OLFML2A: variants seen among roughly 807,000 people sequenced by gnomAD.
The protein encoded by OLFML2A is olfactomedin like 2A, also known as olfactomedin-like protein 2A.
In OLFML2A, 47 loss-of-function variants were observed where a neutral mutation model predicts 60.9. The observed-to-expected ratio is 0.77, with a 90% CI of 0.61 to 0.98. The LOEUF (loss-of-function observed/expected upper bound fraction) is 0.98, where lower values mean the gene tolerates loss of function less well. Among genes scored for constraint, OLFML2A ranks in the 50% least tolerant of loss-of-function variants. The pLI, the probability that OLFML2A is intolerant of heterozygous loss-of-function variation, is 0.00. For synonymous variants in OLFML2A, 372 were observed against 375.0 expected (o/e 0.99, Z 0.09); for missense variants, 922 against 879.8 (o/e 1.05, Z -0.61).
At chr9:124,783,138 C>G (rs1841392942) in intron 1 of OLFML2A, among the ~76,000 whole-genome samples, 1 of 151,904 alleles carries the variant, frequency 6.6e-6, no homozygotes, top group East Asian at 1.9e-4. Context: ...TCCCCACGCT[C>G]CCTGCCTCTT....
chr9:124,799,390 G>T lies in OLFML2A; in HGVS notation c.568G>T (p.Gly190Cys). 1 of 1,613,908 alleles carries T rather than the reference G, an allele frequency of 6.2e-7. No homozygotes were observed. ...HYENHSAIML[G>C]IKKELSRLGL... ...TGAGAATCACTCTGCCATCATGCTG[G>T]GCATCAAGAAGGAGCTGTCCCGCCT... The change falls in exon 4 of 8, where the codon GGC (glycine) becomes TGC (cysteine). Residue 190 changes from glycine (G) to cysteine (C), a missense_variant. Coordinates refer to ENST00000373580, the MANE Select transcript of OLFML2A (RefSeq NM_182487.4).
Position 124,779,477 on chromosome 9 carries a change from CAAAG to C in OLFML2A, c.90+2121_90+2124del, listed in dbSNP as rs1218984270. Among the ~76,000 whole-genome samples the C allele has an allele frequency of 1.3e-5, 2 of 150,602 alleles. No homozygotes were observed. The highest frequency in any genetic ancestry group is 2.9e-5 in the Non-Finnish European group (2 of 67,804). On this transcript the variant is annotated intron_variant, in intron 1 of 7. Transcript: ENST00000373580. The surrounding 1 kb of genome is among the most constrained non-coding windows in gnomAD (Gnocchi z 4.1). ...GCTCACATTCTAAACAAAGCAGAGA[CAAAG>C]AAAACCCAACACCCTGTTTGTGTAG... is the stretch of plus-strand genomic sequence containing the variant.
rs1026227799 is a variant in OLFML2A at position 124,778,268 on chromosome 9, G to C, written c.90+908G>C. Among the ~76,000 whole-genome samples the C allele has an allele frequency of 2.0e-5, 3 of 152,036 alleles. No individual in the cohort carries two copies. The South Asian group carries it at 6.2e-4, about 31-fold the overall frequency. Reference sequence around the variant, plus strand: ...CCCAGCTACTCCGGAAGCTGAGGTAGGAGAATGGCGTGAACCCGGGAGGCG... The same window carrying C: ...CCCAGCTACTCCGGAAGCTGAGGTACGAGAATGGCGTGAACCCGGGAGGCG... On this transcript the variant is annotated intron_variant, in intron 1 of 7. Transcript: ENST00000373580.
rs1588875036 is a variant in OLFML2A at position 124,777,466 on chromosome 9, G to C, written c.90+106G>C. 2 of 1,132,698 alleles carry C rather than the reference G, an allele frequency of 1.8e-6. No individual in the cohort carries two copies. Among genetic ancestry groups the C allele is most frequent in the Non-Finnish European group, 2.2e-6 (2 of 904,922 alleles). 70.2% of individuals were successfully genotyped at this position (1,132,698 alleles called of 1,614,324 possible). On this transcript the variant is annotated intron_variant, in intron 1 of 7. Transcript: ENST00000373580. This position sits in a 1 kb window ranked among gnomAD's most constrained non-coding sequence, Gnocchi z 6.2. ...GGGAGCCCGGGGCCAGGGCGGAGGAGCCGGGAGCTGAGAGACCGAACCTGG... is the reference window on the plus strand; with the variant it reads ...GGGAGCCCGGGGCCAGGGCGGAGGACCCGGGAGCTGAGAGACCGAACCTGG...
At chr9:124,794,574 C>T (rs546265381) in intron 2 of OLFML2A, among the ~76,000 whole-genome samples, 112 of 152,264 alleles carry the variant, frequency 7.4e-4, no homozygotes, top group African/African-American at 2.7e-3. Context: ...CCCATGCCAG[C>T]CACTCTGAGG....
intron 6 of OLFML2A, among the ~76,000 whole-genome samples, chr9:124,804,557 C>G (rs1397684614): frequency 6.6e-6 from 1 of 152,018 alleles, no homozygotes; most frequent in African/African-American, 2.4e-5. Flanking sequence ...AACCCCCTCT[C>G]TACTAAAAAT....
intron 3 of OLFML2A, among the ~76,000 whole-genome samples, chr9:124,795,585 C>T (rs924433240): frequency 1.3e-5 from 2 of 152,180 alleles, no homozygotes; most frequent in Non-Finnish European, 1.5e-5. Flanking sequence ...TTGAGACCAG[C>T]TTGGCCAATA....
intron 3 of OLFML2A, among the ~76,000 whole-genome samples, chr9:124,795,458 C>T (rs1035577185): frequency 4.6e-5 from 7 of 152,218 alleles, no homozygotes; most frequent in Non-Finnish European, 7.3e-5. Flanking sequence ...GGGTACCATT[C>T]GCACAAGATT....
At chr9:124,797,441 AG>A (rs1345471586) in intron 3 of OLFML2A, among the ~76,000 whole-genome samples, 5 of 152,202 alleles carry the variant, frequency 3.3e-5, no homozygotes, top group Non-Finnish European at 5.9e-5. Flanking sequence ...TTACCCAGCC[AG>A]GAAGTAGAGA....
At chr9:124,783,920 G>A (rs1430973049) in intron 1 of OLFML2A, among the ~76,000 whole-genome samples, 1 of 152,236 alleles carries the variant, frequency 6.6e-6, no homozygotes, top group Non-Finnish European at 1.5e-5. Flanking sequence ...AACAGGAGGT[G>A]AGCAGTCAGG....
chr9:124,787,114 T>C lies in OLFML2A; in HGVS notation c.230T>C (p.Val77Ala), dbSNP rs1841489644. 6.2e-7 allele frequency: 1 copy of C among 1,614,154 alleles called. No individual in the cohort carries two copies. ...GRARVEDFYT[V>A]ETVSSGTDCR... ...GCACGCGTGGAGGACTTCTACACGG[T>C]GGAGACTGTGAGCTCGGGCACTGAC... The change falls in exon 2 of 8, where the codon GTG becomes GCG. Residue 77 changes from valine (V) to alanine (A), a missense_variant. By Grantham distance (64) the Val-to-Ala change is moderately conservative. Transcript: ENST00000373580.
At chr9:124,804,422 A>G in intron 6 of OLFML2A, 80 bp downstream of exon 6, 2 of 1,375,276 alleles carry the variant, frequency 1.5e-6, no homozygotes, top group Non-Finnish European at 2.0e-6. Context: ...GAAGCCCTCA[A>G]GTTAAGAAAT....
At chr9:124,803,121 C>G (rs1186540397) in intron 5 of OLFML2A, among the ~76,000 whole-genome samples, 1 of 152,090 alleles carries the variant, frequency 6.6e-6, no homozygotes, top group Admixed American at 6.5e-5. Flanking sequence ...GTTGGCCAAG[C>G]TGGTCTCGAA....
At position 124,804,100 on chromosome 9, in the gene OLFML2A, C is replaced by T; in HGVS notation, c.926C>T (p.Thr309Ile). Reference sequence around the variant, plus strand: ...AGGGGTCTTCTCTCTGCAGACAACACCCTCCAGGGCACTTCCTGGCTGGAG... The same window carrying T: ...AGGGGTCTTCTCTCTGCAGACAACATCCTCCAGGGCACTTCCTGGCTGGAG... ...QEVTEAVADNTLQGTSWLEQL... is the reference protein window; with the variant it reads ...QEVTEAVADNILQGTSWLEQL... The change falls in exon 6 of 8, where the codon ACC becomes ATC. Residue 309 changes from threonine to isoleucine, a missense_variant. By Grantham distance (89) the Thr-to-Ile change is moderately conservative (BLOSUM62 -1). Coordinates refer to ENST00000373580, the MANE Select transcript of OLFML2A (RefSeq NM_182487.4). 6.2e-7 allele frequency: 1 copy of T among 1,614,024 alleles called. No individual in the cohort carries two copies. Among genetic ancestry groups the T allele is most frequent in the Non-Finnish European group, 8.5e-7 (1 of 1,179,924 alleles).
intron 2 of OLFML2A, among the ~76,000 whole-genome samples, chr9:124,791,010 G>A (rs1310587588): frequency 6.6e-6 from 1 of 152,182 alleles, no homozygotes; most frequent in Non-Finnish European, 1.5e-5. Flanking sequence ...GGGGGTTGGA[G>A]GGTGCCTTTT....
chr9:124,801,560 C>T lies in OLFML2A; in HGVS notation c.816C>T (p.Leu272=), dbSNP rs371251524. ...AGGAGAGCGGCAAGGGCAGTTTCCT[C>T]CAGCCCACAGCCAAGCCCCGCGCCC... ...LRKESGKGSF[L]QPTAKPRALA... The change falls in exon 5 of 8, where the codon CTC becomes CTT. Residue 272 remains leucine (L), a synonymous_variant. Transcript: ENST00000373580. The T allele has an allele frequency of 3.7e-6, 6 of 1,614,100 alleles. No homozygotes were observed. Among genetic ancestry groups the T allele is most frequent in the South Asian group, 1.1e-5 (1 of 91,084 alleles).
In OLFML2A at chr9:124,779,699, A is replaced by G. The variant is rs1841325890; in HGVS notation, c.90+2339A>G. 6.6e-6 allele frequency among the ~76,000 whole-genome samples: 1 copy of G among 152,094 alleles called. No homozygotes were observed. The highest frequency in any genetic ancestry group is 1.5e-5 in the Non-Finnish European group (1 of 67,994). ...CAAACCACTTCAGCCAGCTGGGAAAAATAAAAATCAAGTGATGGGTGAATT... is the reference window on the plus strand; with the variant it reads ...CAAACCACTTCAGCCAGCTGGGAAAGATAAAAATCAAGTGATGGGTGAATT... On this transcript the variant is annotated intron_variant, in intron 1 of 7. Coordinates refer to ENST00000373580, the MANE Select transcript of OLFML2A (RefSeq NM_182487.4). The surrounding 1 kb of genome is among the most constrained non-coding windows in gnomAD (Gnocchi z 4.1).
At chr9:124,785,670 G>T (rs1018057460) in intron 1 of OLFML2A, among the ~76,000 whole-genome samples, 2 of 152,148 alleles carry the variant, frequency 1.3e-5, no homozygotes, top group Non-Finnish European at 2.9e-5. Flanking sequence ...AAAGTGCTGG[G>T]ATTACAGGCA....
chr9:124,805,808 G>GTTTTTTTTTTTTTTTTTTTTTTTTTT (rs59555267), intron 6 of OLFML2A, among the ~76,000 whole-genome samples: 1 of 71,266 alleles, frequency 1.4e-5, no homozygotes, highest in Non-Finnish European at 2.5e-5. Context: ...GGTTTTTTTG[G>GTTTTTTTTTTTTTTTTTTTTTTTTTT]TTTTTTTTTT....
Sources: allele counts gnomAD v4.1 joint callset (sites outside exome capture counted in the v4.1 genomes callset), GRCh38; gene constraint gnomAD v4.1.1; non-coding constraint Gnocchi (gnomAD v3.1); transcripts MANE v1.5; gene names NCBI Gene and HGNC (gene_info 2026-07-23, HGNC 2026-07-21).